Variants in POLG observed in about 807,000 individuals in gnomAD.
POLG encodes the protein DNA polymerase gamma, catalytic subunit, also known as DNA polymerase subunit gamma-1.
Under a neutral mutation model 155.4 loss-of-function variants are expected in POLG, and 110 were observed. The observed-to-expected ratio is 0.71, with a 90% CI of 0.61 to 0.83. POLG has a LOEUF of 0.83. POLG is among the 40% of genes least tolerant of loss of function. The pLI, the probability that POLG is intolerant of heterozygous loss-of-function variation, is 0.00. For synonymous variants in POLG, 701 were observed against 631.5 expected (o/e 1.11, Z -1.65); for missense variants, 1,685 against 1,627.5 (o/e 1.04, Z -0.61).
chr15:89,326,676 G>C lies in POLG; in HGVS notation c.1648C>G (p.Gln550Glu), dbSNP rs1227630175. ...AGCTCTGTGGTCCCCTTCAGCTTCT[G>C]CAAGCAGGCGCGGGCCATGACATCT... ...QQDVMARACLQKLKGTTELLP... is the reference protein window; with the variant it reads ...QQDVMARACLEKLKGTTELLP... Residue 550 changes from glutamine to glutamate, a missense_variant, in exon 9 of 23, where the codon CAG (glutamine) becomes GAG (glutamate). Gln to Glu is a conservative substitution (Grantham distance 29). Transcript: ENST00000268124. 5 of 1,614,002 alleles carry C rather than the reference G, an allele frequency of 3.1e-6. No individual in the cohort carries two copies. In the African/African-American group the frequency reaches 5.3e-5, roughly 17 times the overall value.
Position 89,318,995 on chromosome 15 carries a change from G to T in POLG, c.3209C>A (p.Pro1070Gln), listed in dbSNP as rs2055352572. 6.2e-7 allele frequency: 1 copy of T among 1,614,048 alleles called. No individual in the cohort carries two copies. Among genetic ancestry groups the T allele is most frequent in the Non-Finnish European group, 8.5e-7 (1 of 1,179,990 alleles). Residue 1070 changes from proline to glutamine, a missense_variant, in exon 20 of 23, where the codon CCA becomes CAA. Physicochemically the swap from Pro to Gln is moderately conservative, Grantham distance 76 (BLOSUM62 -1). Around this residue, in one of 3 missense-constraint regions of POLG, gnomAD observed 470 missense variants for 439.9 expected, o/e 1.07. Transcript: ENST00000268124. ...KLESIATSDI[P>Q]RTPVLGCCIS... ...GCAGCAGCCCAGCACCGGGGTACGT[G>T]GTATGTCAGACGTAGCAATGCTCTC...
At chr15:89,325,116 GAGTGA>G (rs1416592728) in intron 10 of POLG, among the ~76,000 whole-genome samples, 6 of 75,110 alleles carry the variant, frequency 8.0e-5, no homozygotes, top group African/African-American at 4.3e-4. Context: ...GAGAGAGAGT[GAGTGA>G]GTGAGTGAGA....
Position 89,328,808 on chromosome 15 carries a change from G to A in POLG, c.1047C>T (p.Asp349=). The change falls in exon 5 of 23, where the codon GAC becomes GAT. Residue 349 remains aspartate (D), a synonymous_variant. Transcript: ENST00000268124. ...CTGCCAGACTGTTGACACTGCTGAT[G>A]TCCAGCCAGTCCCAGGATGAGATCT... ...GPAISSWDWL[D]ISSVNSLAEV... 1.2e-6 allele frequency: 2 copies of A among 1,614,108 alleles called. No individual in the cohort carries two copies. The highest frequency in any genetic ancestry group is 1.7e-6 in the Non-Finnish European group (2 of 1,180,050).
intron 18 of POLG, 107 bp downstream of exon 18, chr15:89,320,659 T>C: frequency 7.9e-7 from 1 of 1,271,834 alleles, no homozygotes; most frequent in Non-Finnish European, 1.1e-6. Flanking sequence ...AGGGGCTAGG[T>C]GAGAGTTCAA....
intron 1 of POLG, 107 bp from the exon 2 acceptor site, chr15:89,334,020 C>A: frequency 1.8e-6 from 1 of 540,790 alleles, no homozygotes. Context: ...CTGTGCCAGG[C>A]GCTTCAGTTG....
intron 20 of POLG, 21 bp from the exon 21 acceptor site, chr15:89,318,770 G>C (rs1184966292): frequency 6.2e-7 from 1 of 1,603,804 alleles, no homozygotes; most frequent in Non-Finnish European, 8.5e-7. Context: ...AAGGTGGGCA[G>C]AGGTGAAAGG....
intron 3 of POLG, among the ~76,000 whole-genome samples, 171 bp from the exon 4 acceptor site, chr15:89,329,281 G>A (rs1430020653): frequency 6.6e-6 from 1 of 152,190 alleles, no homozygotes; most frequent in African/African-American, 2.4e-5. Flanking sequence ...GCTTGTTCAT[G>A]CTTGCCCCAT....
At position 89,320,989 on chromosome 15, in the gene POLG, T is replaced by A. The variant is rs1255365004; in HGVS notation, c.2758A>T (p.Thr920Ser). The A allele has an allele frequency of 1.2e-6, 2 of 1,613,892 alleles. No individual in the cohort carries two copies. The highest frequency in any genetic ancestry group is 2.7e-5 in the African/African-American group (2 of 74,914). Residue 920 changes from threonine to serine, a missense_variant, in exon 18 of 23, where the codon ACA (threonine) becomes TCA (serine). This residue lies in a region of POLG where 470 missense variants were observed against 439.9 expected (regional missense o/e 1.07). Transcript: ENST00000268124. ...MHGCTAFGWM[T>S]LQGRKSRGTD... Reference sequence around the variant, plus strand: ...CCCCTGCTCTTCCTGCCCTGCAGTGTCATCCACCCAAAGGCTGTGCAGCCT... The same window carrying A: ...CCCCTGCTCTTCCTGCCCTGCAGTGACATCCACCCAAAGGCTGTGCAGCCT...
At chr15:89,324,364 T>C in intron 10 of POLG, 137 bp from the exon 11 acceptor site, 2 of 998,386 alleles carry the variant, frequency 2.0e-6, no homozygotes, top group Non-Finnish European at 3.0e-6. Context: ...GATAGCACTT[T>C]CCCGGGTTTT....
In POLG at chr15:89,323,039, G is replaced by C. The variant is rs959326768; in HGVS notation, c.2266-137C>G. ...TGAGGCAAATCCCTGATTGTATCAC[G>C]CACGCGCGCACGCGCGCACGCACAC... On this transcript the variant is annotated intron_variant, in intron 13 of 22. Coordinates refer to ENST00000268124, the MANE Select transcript of POLG (RefSeq NM_002693.3). 6.0e-6 allele frequency: 4 copies of C among 663,274 alleles called. No homozygotes were observed. The African/African-American group carries it at 1.6e-4, about 27-fold the overall frequency. 41.1% of individuals were successfully genotyped at this position (663,274 alleles called of 1,614,324 possible).
In POLG at chr15:89,325,439, C is replaced by T; in HGVS notation, c.1949+11G>A. The T allele has an allele frequency of 1.3e-6, 2 of 1,583,192 alleles. No individual in the cohort carries two copies. The highest frequency in any genetic ancestry group is 1.7e-6 in the Non-Finnish European group (2 of 1,163,524). On this transcript the variant is annotated intron_variant, in intron 10 of 22. Transcript: ENST00000268124. ...GCTCCAGCCCCTTCCTCCCCTGGGC[C>T]TAAGCCTTACCTGTAGGGGCAGACC...
intron 10 of POLG, among the ~76,000 whole-genome samples, chr15:89,325,167 TGAGA>T (rs768181578): frequency 0.018 from 680 of 38,520 alleles, 127 homozygotes; most frequent in East Asian, 0.033. Context: ...AGTGAGTGAG[TGAGA>T]GAGTGAGAGA....
In POLG at chr15:89,333,849, A is replaced by T; in HGVS notation, c.-95T>A. On this transcript the variant is annotated 5_prime_UTR_variant, in exon 2 of 23. Coordinates refer to ENST00000268124, the MANE Select transcript of POLG (RefSeq NM_002693.3). Reference sequence around the variant, plus strand: ...CTGGCTGGAAGACGTGGAGAGAGACACGTCCTGTCTCTGCTCTCCTGTCAG... The same window carrying T: ...CTGGCTGGAAGACGTGGAGAGAGACTCGTCCTGTCTCTGCTCTCCTGTCAG... 1 of 1,417,156 alleles carries T rather than the reference A, an allele frequency of 7.1e-7. No homozygotes were observed. The allele number at this position is 1,417,156 out of a possible 1,614,324, so 87.8% of individuals were successfully genotyped here. A position where few individuals can be genotyped will look rare whatever the true frequency, so the allele number is the denominator to read the frequency against.
In POLG at chr15:89,319,000, G is replaced by C. The variant is rs1057523186; in HGVS notation, c.3204C>G (p.Asp1068Glu). The C allele has an allele frequency of 6.2e-7, 1 of 1,614,020 alleles. No individual in the cohort carries two copies. The highest frequency in any genetic ancestry group is 1.7e-5 in the Admixed American group (1 of 60,006). ...FNKLESIATS[D>E]IPRTPVLGCC... ...AGCCCAGCACCGGGGTACGTGGTAT[G>C]TCAGACGTAGCAATGCTCTCAAGCT... The change falls in exon 20 of 23, where the codon GAC becomes GAG. Residue 1068 changes from aspartate (D) to glutamate (E), a missense_variant. By Grantham distance (45) the Asp-to-Glu change is conservative. Coordinates refer to ENST00000268124, the MANE Select transcript of POLG (RefSeq NM_002693.3).
chr15:89,323,983 A>T, intron 11 of POLG, 82 bp from the exon 12 acceptor site: 1 of 1,532,368 alleles, frequency 6.5e-7, no homozygotes, highest in Non-Finnish European at 9.0e-7. Flanking sequence ...CATGGTACTC[A>T]GACACTGCAG....
At chr15:89,325,129 A>AGT (rs1455936734) in intron 10 of POLG, among the ~76,000 whole-genome samples, 26 of 69,372 alleles carry the variant, frequency 3.7e-4, no homozygotes, top group Non-Finnish European at 6.0e-4. Flanking sequence ...TGAGTGAGTG[A>AGT]GAGAGTGAGT....
At chr15:89,323,047 GCACGCGCGCACGCACACACA>G (rs1263830128) in intron 13 of POLG, 145 bp from the exon 14 acceptor site, 2 of 758,576 alleles carry the variant, frequency 2.6e-6, no homozygotes, top group Non-Finnish European at 4.3e-6. Context: ...ACGCACGCGC[GCACGCGCGCACGCACACACA>G]CACGTGCACA....
Position 89,323,475 on chromosome 15 carries a change from A to G in POLG, c.2194T>C (p.Tyr732His), listed in dbSNP as rs1470138488. ...RGGPKDTQPS[Y>H]HHGNGPYNDV... ...TTGTAAGGTCCATTGCCATGGTGAT[A>G]GCTGGGCTGGGTGTCCTTGGGGCCA... is the stretch of plus-strand genomic sequence containing the variant. Residue 732 changes from tyrosine to histidine, a missense_variant, in exon 13 of 23, where the codon TAT (tyrosine) becomes CAT (histidine). Coordinates refer to ENST00000268124, the MANE Select transcript of POLG (RefSeq NM_002693.3). 1 of 1,613,908 alleles carries G rather than the reference A, an allele frequency of 6.2e-7. No individual in the cohort carries two copies. The highest frequency in any genetic ancestry group is 8.5e-7 in the Non-Finnish European group (1 of 1,179,892).
At chr15:89,325,155 TGAGTGAGTGAGTGAGAGAGTGAGA>T (rs1567189586) in intron 10 of POLG, among the ~76,000 whole-genome samples, 5 of 43,934 alleles carry the variant, frequency 1.1e-4, no homozygotes, top group Admixed American at 4.3e-4. Context: ...AGTGAGTGAG[TGAGTGAGTGAGTGAGAGAGTGAGA>T]GAGTGAGTGA....
Sources: gnomAD v4.1 joint callset for allele counts (sites outside exome capture counted in the v4.1 genomes callset) on GRCh38, gnomAD v4.1.1 for gene constraint, gnomAD v4.1.1 regional missense constraint, MANE v1.5 for transcripts, NCBI Gene and HGNC (gene_info 2026-07-23, HGNC 2026-07-21) for gene names.